Variants in MCC observed in about 807,000 individuals in gnomAD.
The protein encoded by MCC is MCC regulator of Wnt signaling pathway, also known as colorectal mutant cancer protein.
Under a neutral mutation model 116.2 loss-of-function variants are expected in MCC, and 90 were observed. The ratio of observed to expected loss-of-function variants is 0.77; its 90% CI spans 0.65 to 0.92. The LOEUF (loss-of-function observed/expected upper bound fraction) is 0.92. Ranked by LOEUF, MCC falls within the 40% of genes least tolerant of loss-of-function variation. The probability of loss-of-function intolerance (pLI) is 0.00; values close to 1 mark genes in which losing one functional copy is unlikely to be tolerated. For synonymous variants in MCC, 578 were observed against 510.5 expected, an observed-to-expected ratio of 1.13 and a Z score of -1.78; for missense variants, 1,516 against 1,312.2, an observed-to-expected ratio of 1.16 and a Z score of -2.40.
chr5:113,197,156 G>A (rs981933090), intron 3 of MCC, among the ~76,000 whole-genome samples: 1 of 152,152 alleles, frequency 6.6e-6, no homozygotes, highest in Non-Finnish European at 1.5e-5. Context: ...ACTGTCACGG[G>A]CTTCTTTCTT....
At chr5:113,096,660 G>C (rs754370035) in intron 8 of MCC, among the ~76,000 whole-genome samples, 2 of 152,186 alleles carry the variant, frequency 1.3e-5, no homozygotes, top group African/African-American at 2.4e-5. Flanking sequence ...GCTGTGGTGG[G>C]AGCCTTTGAG....
At chr5:113,061,799 G>A (rs901709179) in intron 14 of MCC, among the ~76,000 whole-genome samples, 1 of 152,188 alleles carries the variant, frequency 6.6e-6, no homozygotes, top group African/African-American at 2.4e-5. Flanking sequence ...GTTACAGCGG[G>A]GGGAAAGGAG....
rs191247214 is a variant in MCC, at chr5:113,135,416, G to A, written c.884+7802C>T. 7.5e-3 allele frequency among the ~76,000 whole-genome samples: 1,107 copies of A among 148,566 alleles called. 9 individuals are homozygous for A. The highest frequency in any genetic ancestry group is 0.011 in the Non-Finnish European group (749 of 67,268). The stretch of plus-strand genomic sequence containing the variant: ...AAAAATACAAAAAAAAAAATTAGCC[G>A]GGTGTGGTGGTGGGAGCCTGTAGTC... On this transcript the variant is annotated intron_variant, in intron 5 of 18. Coordinates refer to ENST00000408903, the MANE Select transcript of MCC (RefSeq NM_001085377.2).
intron 1 of MCC, among the ~76,000 whole-genome samples, chr5:113,407,630 T>A (rs1392125884): frequency 6.6e-6 from 1 of 152,186 alleles, no homozygotes; most frequent in Non-Finnish European, 1.5e-5. Context: ...TCCCTCATTT[T>A]TAAAAATTTT....
At chr5:113,092,999 G>C (rs1338024870) in intron 8 of MCC, among the ~76,000 whole-genome samples, 1 of 152,206 alleles carries the variant, frequency 6.6e-6, no homozygotes, top group African/African-American at 2.4e-5. Flanking sequence ...TAGAATGCTA[G>C]ATGTCCTTAG....
chr5:113,362,875 G>T (rs1180237685), intron 2 of MCC, among the ~76,000 whole-genome samples: 1 of 152,124 alleles, frequency 6.6e-6, no homozygotes, highest in Non-Finnish European at 1.5e-5. Flanking sequence ...AGGGTGGAGG[G>T]AGGGAGCTTC....
In MCC at chr5:113,057,027, G is replaced by A. The variant is rs368658848; in HGVS notation, c.2214-3068C>T. Among the ~76,000 whole-genome samples the A allele has an allele frequency of 2.5e-3, 374 of 152,252 alleles. 12 individuals are homozygous for A. The South Asian group carries it at 0.071, about 29-fold the overall frequency. On this transcript the variant is annotated intron_variant, in intron 14 of 18. Transcript: ENST00000408903. ...GCCTGTGTGATCCAGTGACATCAGG[G>A]TGGACCTAAGGGAGGCGAGAGAGGG...
intron 1 of MCC, among the ~76,000 whole-genome samples, chr5:113,461,385 G>T (rs1005916803): frequency 6.6e-6 from 1 of 152,190 alleles, no homozygotes; most frequent in Non-Finnish European, 1.5e-5. Context: ...GGAAACCAAG[G>T]CATGAAAGTG....
At chr5:113,301,307 A>C (rs1369650832) in intron 3 of MCC, among the ~76,000 whole-genome samples, 1 of 152,176 alleles carries the variant, frequency 6.6e-6, no homozygotes, top group African/African-American at 2.4e-5. Context: ...CTCTACTAAA[A>C]ATACAAAATT....
intron 11 of MCC, among the ~76,000 whole-genome samples, chr5:113,080,127 G>T (rs1754747197): frequency 6.6e-6 from 1 of 152,190 alleles, no homozygotes. Context: ...CAGTTAGAAT[G>T]GCAATCATTA....
intron 3 of MCC, among the ~76,000 whole-genome samples, chr5:113,309,953 CT>C (rs1340582883): frequency 1.5e-5 from 2 of 132,496 alleles, no homozygotes; most frequent in East Asian, 2.6e-4. Flanking sequence ...TCTCTTTCTT[CT>C]GTGTTTCATA....
At chr5:113,300,432 T>A (rs1766833875) in intron 3 of MCC, among the ~76,000 whole-genome samples, 1 of 152,212 alleles carries the variant, frequency 6.6e-6, no homozygotes, top group Admixed American at 6.5e-5. Flanking sequence ...TTGAAAGCAG[T>A]CTGGTTAAAC....
At chr5:113,112,481 C>T (rs969063054) in intron 6 of MCC, among the ~76,000 whole-genome samples, 2 of 152,174 alleles carry the variant, frequency 1.3e-5, no homozygotes. Flanking sequence ...CACCTTCTGC[C>T]GTAATTGTAA....
At chr5:113,364,203 C>T (rs1768624003) in intron 2 of MCC, among the ~76,000 whole-genome samples, 1 of 139,384 alleles carries the variant, frequency 7.2e-6, no homozygotes, top group South Asian at 2.3e-4. Context: ...TGCACTCCAG[C>T]CTGGGTGACA....
At chr5:113,294,884 C>T in intron 3 of MCC, 1 of 985,658 alleles carries the variant, frequency 1.0e-6, no homozygotes, top group Non-Finnish European at 1.2e-6. Flanking sequence ...TAGAGGGAGC[C>T]GGAGCGGAGC....
intron 2 of MCC, among the ~76,000 whole-genome samples, chr5:113,354,313 C>G (rs1002954278): frequency 1.3e-5 from 2 of 152,196 alleles, no homozygotes; most frequent in Non-Finnish European, 2.9e-5. Context: ...GTCACGTAAT[C>G]TTACTAAGTG....
intron 1 of MCC, among the ~76,000 whole-genome samples, chr5:113,449,130 C>T (rs369153553): frequency 7.9e-5 from 12 of 152,144 alleles, no homozygotes; most frequent in Non-Finnish European, 1.6e-4. Context: ...AAATGGCTCA[C>T]GAACTAATCA....
intron 3 of MCC, among the ~76,000 whole-genome samples, chr5:113,246,671 C>A (rs960787277): frequency 2.6e-5 from 4 of 152,222 alleles, no homozygotes; most frequent in Admixed American, 2.6e-4. Flanking sequence ...TTCTTGAAAA[C>A]TGTCTCATCA....
intron 1 of MCC, among the ~76,000 whole-genome samples, chr5:113,415,402 AC>A (rs1770116194): frequency 6.6e-6 from 1 of 152,210 alleles, no homozygotes; most frequent in Admixed American, 6.5e-5. Context: ...TTTCAGGTAC[AC>A]CAATCAAATG....
Sources: gnomAD v4.1 joint callset for allele counts (sites outside exome capture counted in the v4.1 genomes callset) on GRCh38, gnomAD v4.1.1 for gene constraint, MANE v1.5 for transcripts, NCBI Gene and HGNC (gene_info 2026-07-23, HGNC 2026-07-21) for gene names.